GPM6B: variants seen among roughly 807,000 people sequenced by gnomAD.
GPM6B encodes neuronal membrane glycoprotein M6-b.
GPM6B carries 4 observed loss-of-function variants against 27.2 expected under a neutral mutation model. The ratio of observed to expected loss-of-function variants is 0.15; its 90% CI spans 0.07 to 0.34. The LOEUF (loss-of-function observed/expected upper bound fraction) is 0.34, where lower values mean the gene tolerates loss of function less well. Among genes scored for constraint, GPM6B ranks in the 10% least tolerant of loss-of-function variants. The pLI is 1.00. For missense variants in GPM6B, 183 were observed against 261.9 expected (o/e 0.70, Z 2.08); for synonymous variants, 124 against 103.1 (o/e 1.20, Z -1.23).
rs2048294960 is a variant in GPM6B, at chrX:13,771,366, A to C, written c.*1515T>G. 9.5e-6 allele frequency: 1 copy of C among 105,180 alleles called. No individual in the cohort carries two copies. The highest frequency in any genetic ancestry group is 1.9e-5 in the Non-Finnish European group (1 of 51,713). 8.7% of individuals were successfully genotyped at this position (105,180 alleles called of 1,213,427 possible). On this transcript the variant is annotated 3_prime_UTR_variant, in exon 8 of 8. Transcript: ENST00000316715. Reference sequence around the variant, plus strand: ...CTATTTTGGAACAACTGTTCTACACAGAAGAGAGCTTCTCTTAATTTAAAA... The same window carrying C: ...CTATTTTGGAACAACTGTTCTACACCGAAGAGAGCTTCTCTTAATTTAAAA...
At position 13,849,754 on chromosome X, in the gene GPM6B, T is replaced by TG. The variant is rs200060208; in HGVS notation, c.-197-63947dup. On this transcript the variant is annotated intron_variant, in intron 1 of 6. Coordinates refer to the GPM6B transcript ENST00000398361. ...TTTTTAATATATGTTATTTTGGGGG[T>TG]GGGGGGGAGAGTAATAAAATATAGG... Among the ~76,000 whole-genome samples, 567 of 106,255 alleles carry TG rather than the reference T, an allele frequency of 5.3e-3. 1 individual carries two copies. Among genetic ancestry groups the TG allele is most frequent in the Middle Eastern group, 0.015 (3 of 206 alleles). The allele number at this position is 106,255 out of a possible 115,157, so 92.3% of individuals were successfully genotyped here.
rs188233667 is a variant in GPM6B at position 13,891,025 on chromosome X, T to C, written c.-198+47302A>G. ...TCTGAGGGTGGGGCTCTGGCATCAGTAGTTTTTAAAGCTCCCCAGGTGATC... is the reference window on the plus strand; with the variant it reads ...TCTGAGGGTGGGGCTCTGGCATCAGCAGTTTTTAAAGCTCCCCAGGTGATC... On this transcript the variant is annotated intron_variant, in intron 1 of 6. Transcript: ENST00000398361. Among the ~76,000 whole-genome samples the C allele has an allele frequency of 9.8e-4, 109 of 111,313 alleles. 1 individual carries two copies. In the East Asian group the frequency reaches 9.8e-3, roughly 10 times the overall value.
chrX:13,789,672 G>A (rs917846170), intron 2 of GPM6B, among the ~76,000 whole-genome samples: 2 of 111,481 alleles, frequency 1.8e-5, no homozygotes, highest in Non-Finnish European at 3.8e-5. Flanking sequence ...CTACTCGGGA[G>A]GCTGAGGCAG....
At chrX:13,815,366 T>C (rs1449177186) in intron 1 of GPM6B, among the ~76,000 whole-genome samples, 1 of 111,727 alleles carries the variant, frequency 9.0e-6, no homozygotes. Context: ...ACTTAGTCTC[T>C]AGTCATCATG....
At chrX:13,850,934 T>C (rs1170364716) in intron 1 of GPM6B, among the ~76,000 whole-genome samples, 1 of 110,476 alleles carries the variant, frequency 9.1e-6, no homozygotes, top group East Asian at 2.8e-4. Flanking sequence ...GAGGCCAAGG[T>C]GGGCAAATCA....
intron 1 of GPM6B, among the ~76,000 whole-genome samples, chrX:13,892,863 C>T (rs909397298): frequency 2.7e-5 from 3 of 111,793 alleles, no homozygotes; most frequent in Non-Finnish European, 3.8e-5. Flanking sequence ...CCAGCCTGGG[C>T]AAGATCCCAT....
chrX:13,886,513 A>G (rs1325014389), intron 1 of GPM6B, among the ~76,000 whole-genome samples: 1 of 108,156 alleles, frequency 9.2e-6, no homozygotes, highest in Non-Finnish European at 1.9e-5. Flanking sequence ...GAGTCCCTAT[A>G]TAATCCCAGT....
At chrX:13,895,759 A>G in intron 1 of GPM6B, among the ~76,000 whole-genome samples, 1 of 111,071 alleles carries the variant, frequency 9.0e-6, no homozygotes. Flanking sequence ...ACCTGTCCAT[A>G]TCTTGAGATC....
intron 1 of GPM6B, among the ~76,000 whole-genome samples, chrX:13,809,607 C>G (rs969063058): frequency 9.1e-6 from 1 of 109,638 alleles, no homozygotes; most frequent in African/African-American, 3.4e-5. Context: ...GAAACTCTGT[C>G]TGTACTAAAA....
intron 1 of GPM6B, among the ~76,000 whole-genome samples, chrX:13,904,425 A>AT (rs758921854): frequency 2.0e-4 from 22 of 111,486 alleles, no homozygotes; most frequent in Admixed American, 3.8e-4. Flanking sequence ...ATACAGATAG[A>AT]TTTTTTTTCC....
At chrX:13,825,891 A>G (rs2049366543) in intron 1 of GPM6B, among the ~76,000 whole-genome samples, 2 of 112,038 alleles carry the variant, frequency 1.8e-5, no homozygotes, top group Admixed American at 1.9e-4. Context: ...TGGAGATCAC[A>G]GGAGAGGAAG....
At chrX:13,843,017 C>T (rs1176333357) in intron 1 of GPM6B, among the ~76,000 whole-genome samples, 3 of 110,933 alleles carry the variant, frequency 2.7e-5, no homozygotes, top group African/African-American at 9.8e-5. Flanking sequence ...TATATGATCG[C>T]AACTGTTAAC....
intron 3 of GPM6B, 151 bp from the exon 4 acceptor site, chrX:13,783,672 G>A (rs1233303191): frequency 2.0e-6 from 1 of 505,460 alleles, no homozygotes; most frequent in Non-Finnish European, 3.4e-6. Context: ...GGGGCATCCT[G>A]GGCGGCATCC....
chrX:13,795,408 A>G (rs1450812668), intron 2 of GPM6B, among the ~76,000 whole-genome samples: 3 of 111,644 alleles, frequency 2.7e-5, no homozygotes, highest in African/African-American at 9.8e-5. Flanking sequence ...ATTATCTGCA[A>G]AGGCCATTAA....
At chrX:13,821,895 C>T (rs759969032), upstream of GPM6B, among the ~76,000 whole-genome samples, 6 of 111,867 alleles carry the variant, frequency 5.4e-5, no homozygotes, top group South Asian at 3.8e-4. Context: ...GTGCCTGACC[C>T]GAATCACTAT....
chrX:13,923,053 G>A (rs917654946), intron 1 of GPM6B, among the ~76,000 whole-genome samples: 3 of 111,559 alleles, frequency 2.7e-5, no homozygotes, highest in Non-Finnish European at 5.6e-5. Flanking sequence ...GTACGCACCT[G>A]TAATCTTAGC....
At chrX:13,870,622 AAC>A (rs2049965285) in intron 1 of GPM6B, among the ~76,000 whole-genome samples, 1 of 112,598 alleles carries the variant, frequency 8.9e-6, no homozygotes, top group South Asian at 3.7e-4. Context: ...CAGAGCCCCT[AAC>A]ACTGCTTCAG....
intron 1 of GPM6B, among the ~76,000 whole-genome samples, chrX:13,853,413 G>A (rs747208284): frequency 9.2e-6 from 1 of 109,163 alleles, no homozygotes; most frequent in African/African-American, 3.3e-5. Flanking sequence ...GGACCAGCCT[G>A]GCCAACATGG....
At position 13,783,514 on chromosome X, in the gene GPM6B, G is replaced by A. The variant is rs754290288; in HGVS notation, c.376C>T (p.Leu126=). 6 of 1,193,258 alleles carry A rather than the reference G, an allele frequency of 5.0e-6. No individual in the cohort carries two copies. The African/African-American group carries it at 1.1e-4, about 21-fold the overall frequency. The change falls in exon 4 of 8, where the codon CTG becomes TTG. Residue 126 remains leucine, a synonymous_variant. Coordinates refer to ENST00000316715, the MANE Select transcript of GPM6B (RefSeq NM_001001995.3). ...ATTCCATAGATGACATACTGCATCA[G>A]TTGTATCCTACAAAGAGAAGAAGAG... ...DHALLSEVIQ[L]MQYVIYGIAS...
Sources: allele counts gnomAD v4.1 joint callset (sites outside exome capture counted in the v4.1 genomes callset), GRCh38; gene constraint gnomAD v4.1.1; transcripts MANE v1.5; gene names NCBI Gene and HGNC (gene_info 2026-07-23, HGNC 2026-07-21).